The following KIFC3 variants were observed in gnomAD, a reference collection of about 807,000 sequenced individuals.
KIFC3 encodes kinesin family member C3.
KIFC3 carries 60 observed loss-of-function variants against 101.8 expected under a neutral mutation model. That is an observed-to-expected ratio of 0.59 (90% CI 0.48 to 0.73). The LOEUF (loss-of-function observed/expected upper bound fraction) is 0.73, where lower values mean the gene tolerates loss of function less well. Ranked by LOEUF, KIFC3 falls within the 30% of genes least tolerant of loss-of-function variation. KIFC3 has a pLI of 0.00. For synonymous variants in KIFC3, 476 were observed against 482.7 expected (o/e 0.99, Z 0.18); for missense variants, 966 against 1,137.1 (o/e 0.85, Z 2.16).
intron 4 of KIFC3, 110 bp downstream of exon 4, chr16:57,772,113 G>T: frequency 2.3e-6 from 2 of 870,672 alleles, no homozygotes; most frequent in Admixed American, 2.2e-5. Flanking sequence ...GAGACAGGGT[G>T]GGATATGCGG....
intron 3 of KIFC3, among the ~76,000 whole-genome samples, chr16:57,789,253 G>A (rs548233096): frequency 1.8e-4 from 28 of 152,364 alleles, no homozygotes; most frequent in Non-Finnish European, 2.5e-4. Flanking sequence ...CACTCTCTCC[G>A]CCCCACAGGG....
chr16:57,774,924 C>A (rs782041004), intron 3 of KIFC3: 12 of 1,468,980 alleles, frequency 8.2e-6, no homozygotes, highest in South Asian at 1.3e-5. Flanking sequence ...TCTCCTTCCA[C>A]GCCCCCTCCC....
chr16:57,775,371 C>A (rs2149020804), intron 3 of KIFC3: 2 of 1,088,684 alleles, frequency 1.8e-6, no homozygotes, highest in Non-Finnish European at 2.2e-6. Context: ...AGCACTCTGG[C>A]CAAGGCACCA....
At chr16:57,835,855 C>A (rs544601034) in intron 1 of KIFC3, among the ~76,000 whole-genome samples, 2 of 152,144 alleles carry the variant, frequency 1.3e-5, no homozygotes, top group Non-Finnish European at 2.9e-5. Flanking sequence ...GAGGCTAAGG[C>A]GTGAAAATGG....
At chr16:57,773,137 C>G (rs999080927) in intron 3 of KIFC3, among the ~76,000 whole-genome samples, 2 of 152,236 alleles carry the variant, frequency 1.3e-5, no homozygotes, top group Non-Finnish European at 2.9e-5. Flanking sequence ...CTCCAGCTTC[C>G]GTCAGGGCAT....
chr16:57,771,388 G>C lies in KIFC3; in HGVS notation c.575C>G (p.Ala192Gly), dbSNP rs781966062. Residue 192 changes from alanine to glycine, a missense_variant, in exon 6 of 20, where the codon GCG becomes GGG. Ala to Gly is a moderately conservative substitution (Grantham distance 60). Around this residue, in one of 2 missense-constraint regions of KIFC3, gnomAD observed 689 missense variants for 884.6 expected, o/e 0.78. Transcript: ENST00000445690. ...CTCTGACAGCATGCCTTTGCTTTCC[G>C]CCATCTCCAGCTGCAGCTGGGACAG... ...DKLSQLQLEM[A>G]ESKGMLSELN... 1 of 1,613,628 alleles carries C rather than the reference G, an allele frequency of 6.2e-7. No homozygotes were observed. Among genetic ancestry groups the C allele is most frequent in the South Asian group, 1.1e-5 (1 of 91,086 alleles).
At chr16:57,862,759 T>C in exon 1 of KIFC3, 1 of 1,289,538 alleles carries the variant, frequency 7.8e-7, no homozygotes, top group Non-Finnish European at 1.0e-6. Flanking sequence ...CAGCCTCCAA[T>C]CTGAGGGTTT....
At chr16:57,762,040 C>T (rs568045829) in intron 13 of KIFC3, 100 bp downstream of exon 13, 124 of 1,429,720 alleles carry the variant, frequency 8.7e-5, no homozygotes, top group African/African-American at 1.6e-4. Context: ...GCCTGCTCCC[C>T]ACATACTGGG....
At chr16:57,814,324 C>G (rs1340004872) in intron 1 of KIFC3, among the ~76,000 whole-genome samples, 1 of 152,194 alleles carries the variant, frequency 6.6e-6, no homozygotes, top group Non-Finnish European at 1.5e-5. Context: ...ACCTCCCCTT[C>G]CCTTAGCTCA....
In KIFC3 at chr16:57,758,764, T is replaced by C. The variant is rs1555591640; in HGVS notation, c.*170A>G. The C allele has an allele frequency of 9.4e-7, 1 of 1,060,840 alleles. No homozygotes were observed. Among genetic ancestry groups the C allele is most frequent in the South Asian group, 1.3e-5 (1 of 79,884 alleles). The allele number at this position is 1,060,840 out of a possible 1,614,324, so 65.7% of individuals were successfully genotyped here. ...TTCCTTCTGAACATGTTTCTCATCTTTGAGGGGAGACGGGGCAGAAGAAGA... is the reference window on the plus strand; with the variant it reads ...TTCCTTCTGAACATGTTTCTCATCTCTGAGGGGAGACGGGGCAGAAGAAGA... On this transcript the variant is annotated 3_prime_UTR_variant, in exon 20 of 20. Transcript: ENST00000445690.
chr16:57,826,027 A>G (rs1389202679), intron 1 of KIFC3, among the ~76,000 whole-genome samples: 10 of 152,278 alleles, frequency 6.6e-5, no homozygotes, highest in African/African-American at 2.4e-4. Context: ...ATGTTCAAAC[A>G]GTGCAAACTA....
In KIFC3 at chr16:57,798,245, G is replaced by C. The variant is rs1241753262; in HGVS notation, c.-2C>G. On this transcript the variant is annotated 5_prime_UTR_variant, in exon 2 of 20. Coordinates refer to ENST00000445690, the MANE Select transcript of KIFC3 (RefSeq NM_001130100.2). ...CCACGTCCTGCGAGAGGGGACCATG[G>C]CCTGGGGCTCAGCAGCCTCCTCGGG... The C allele has an allele frequency of 8.8e-5, 137 of 1,552,116 alleles. No individual in the cohort carries two copies. Among genetic ancestry groups the C allele is most frequent in the Non-Finnish European group, 1.1e-4 (123 of 1,148,702 alleles).
intron 1 of KIFC3, among the ~76,000 whole-genome samples, chr16:57,858,025 C>T (rs2056216641): frequency 6.6e-6 from 1 of 151,862 alleles, no homozygotes; most frequent in East Asian, 1.9e-4. Context: ...ACCACGTTGG[C>T]CAGGCTGGTC....
intron 14 of KIFC3, 51 bp downstream of exon 14, chr16:57,761,362 T>G (rs1555597354): frequency 1.2e-6 from 2 of 1,611,760 alleles, no homozygotes; most frequent in Admixed American, 1.7e-5. Context: ...TCAAACCCAG[T>G]TGTGTCCTCT....
At chr16:57,795,515 A>C (rs2054217581) in intron 2 of KIFC3, among the ~76,000 whole-genome samples, 2 of 152,194 alleles carry the variant, frequency 1.3e-5, no homozygotes, top group Non-Finnish European at 2.9e-5. Context: ...CACAGGGGCT[A>C]TGGCTTTATT....
intron 1 of KIFC3, among the ~76,000 whole-genome samples, chr16:57,813,050 A>G (rs4284626): frequency 0.96 from 146,533 of 152,270 alleles, 70,780 homozygotes; most frequent in African/African-American, 0.99. Context: ...GAACCTGGCC[A>G]GGCACAGTGG....
intron 12 of KIFC3, among the ~76,000 whole-genome samples, chr16:57,762,857 T>C (rs1231987915): frequency 1.3e-5 from 2 of 152,194 alleles, no homozygotes; most frequent in Non-Finnish European, 2.9e-5. Context: ...GCCTCCTGGC[T>C]GGGCCTCAGG....
chr16:57,817,047 T>A, intron 1 of KIFC3: 1 of 318,546 alleles, frequency 3.1e-6, no homozygotes, highest in South Asian at 2.5e-5. Flanking sequence ...ACAAACTGCA[T>A]GGCTTAAAAC....
chr16:57,770,027 G>C, intron 7 of KIFC3, 72 bp from the exon 8 acceptor site: 1 of 1,542,342 alleles, frequency 6.5e-7, no homozygotes, highest in Non-Finnish European at 8.7e-7. Context: ...CACCGAGAAA[G>C]AAACTGGTCA....
Sources: gnomAD v4.1 joint callset for allele counts (sites outside exome capture counted in the v4.1 genomes callset) on GRCh38, gnomAD v4.1.1 for gene constraint, gnomAD v4.1.1 regional missense constraint, MANE v1.5 for transcripts, NCBI Gene and HGNC (gene_info 2026-07-23, HGNC 2026-07-21) for gene names.